Variants in LMF1 observed in about 807,000 individuals in gnomAD.
LMF1 encodes the protein lipase maturation factor 1.
A neutral mutation model predicts 60.6 loss-of-function variants in LMF1; 68 were observed. That is an observed-to-expected ratio of 1.12 (90% CI 0.92 to 1.37). The LOEUF (loss-of-function observed/expected upper bound fraction) is 1.37. LMF1 is among the 40% of genes most tolerant of loss of function. LMF1 has a pLI of 0.00. For synonymous variants in LMF1, 418 were observed against 324.7 expected (o/e 1.29, Z -3.09); for missense variants, 948 against 767.2 (o/e 1.24, Z -2.78).
At chr16:972,654 G>A (rs1240649276), upstream of LMF1, among the ~76,000 whole-genome samples, 1 of 152,224 alleles carries the variant, frequency 6.6e-6, no homozygotes, top group Non-Finnish European at 1.5e-5. Context: ...GCCCTGCGCT[G>A]TCCTCAGGTG....
At chr16:967,681 G>A (rs2072953666) in intron 1 of LMF1, among the ~76,000 whole-genome samples, 2 of 152,226 alleles carry the variant, frequency 1.3e-5, no homozygotes, top group African/African-American at 4.8e-5. Flanking sequence ...GGGCAGCCTC[G>A]GTCCTCCCAG....
intron 4 of LMF1, chr16:901,486 G>A (rs2070810409): frequency 6.6e-6 from 1 of 152,280 alleles, no homozygotes. Flanking sequence ...AAAGAAAGGG[G>A]AAATTATTTT....
intron 5 of LMF1, among the ~76,000 whole-genome samples, chr16:890,512 GCTCT>G (rs1315593137): frequency 2.6e-5 from 4 of 152,162 alleles, no homozygotes; most frequent in Non-Finnish European, 5.9e-5. Context: ...CAGGCTCATG[GCTCT>G]CTGTGAGCCA....
upstream of LMF1, chr16:981,401 G>A (rs2073372744): frequency 1.0e-5 from 3 of 290,914 alleles, no homozygotes; most frequent in Middle Eastern, 1.2e-3. Context: ...TCGGGGGAGG[G>A]GCCCGAGGAC....
intron 2 of LMF1, among the ~76,000 whole-genome samples, chr16:940,150 G>A (rs556897749): frequency 6.6e-6 from 1 of 152,294 alleles, no homozygotes; most frequent in East Asian, 1.9e-4. Context: ...CCTTCCCGCA[G>A]AGACTCGGAG....
At chr16:929,554 G>A (rs575596509) in intron 3 of LMF1, among the ~76,000 whole-genome samples, 41 of 152,350 alleles carry the variant, frequency 2.7e-4, no homozygotes, top group African/African-American at 9.4e-4. Context: ...GCGCAAGGGC[G>A]GCTGGAAGCT....
intron 2 of LMF1, among the ~76,000 whole-genome samples, chr16:946,802 C>A (rs933672772): frequency 6.6e-6 from 1 of 152,228 alleles, no homozygotes; most frequent in South Asian, 2.1e-4. Flanking sequence ...CCTGACCAAG[C>A]TGAAGTCAGG....
intron 4 of LMF1, among the ~76,000 whole-genome samples, chr16:907,650 C>G (rs7201545): frequency 3.3e-5 from 5 of 152,038 alleles, no homozygotes; most frequent in Non-Finnish European, 7.4e-5. Flanking sequence ...GCTGACGGTG[C>G]GGCGCTGGTT....
chr16:970,677 G>T lies in LMF1; in HGVS notation c.193+111C>A. On this transcript the variant is annotated intron_variant, in intron 1 of 10. Transcript: ENST00000262301. Reference sequence around the variant, plus strand: ...CCGGGCCCCAGCAGGAAGGAGGGCTGCGTGGGGGCGCCGCGGCCGCGAGAC... The same window carrying T: ...CCGGGCCCCAGCAGGAAGGAGGGCTTCGTGGGGGCGCCGCGGCCGCGAGAC... 4.0e-6 allele frequency: 4 copies of T among 1,005,450 alleles called. No homozygotes were observed. The South Asian group carries it at 5.2e-5, about 13-fold the overall frequency. 62.3% of individuals were successfully genotyped at this position (1,005,450 alleles called of 1,614,324 possible).
chr16:871,409 T>C (rs1194666198), intron 6 of LMF1, 68 bp from the exon 7 acceptor site: 6 of 1,389,942 alleles, frequency 4.3e-6, no homozygotes, highest in Admixed American at 1.9e-5. Flanking sequence ...CTGGCGCCTC[T>C]CTTCCTGGAG....
intron 1 of LMF1, chr16:980,140 T>G: frequency 8.3e-6 from 2 of 239,976 alleles, no homozygotes; most frequent in Non-Finnish European, 1.7e-5. Context: ...GCTGCAGAGA[T>G]GAGACCGCCC....
chr16:861,615 C>G (rs774621346), intron 10 of LMF1, among the ~76,000 whole-genome samples: 1 of 152,152 alleles, frequency 6.6e-6, no homozygotes, highest in Non-Finnish European at 1.5e-5. Flanking sequence ...CTTGGCCTCC[C>G]ACAGTGCTGG....
chr16:958,964 G>C (rs1325415126), intron 1 of LMF1, among the ~76,000 whole-genome samples: 1 of 152,162 alleles, frequency 6.6e-6, no homozygotes, highest in Non-Finnish European at 1.5e-5. Context: ...CGGGACAGCA[G>C]GAGTGCCCTC....
At chr16:910,532 C>T (rs2151754171) in intron 4 of LMF1, among the ~76,000 whole-genome samples, 1 of 152,286 alleles carries the variant, frequency 6.6e-6, no homozygotes, top group East Asian at 1.9e-4. Flanking sequence ...GCCAACGCGC[C>T]CACCATGGCC....
intron 10 of LMF1, among the ~76,000 whole-genome samples, chr16:860,836 T>G (rs977844044): frequency 6.6e-6 from 1 of 152,222 alleles, no homozygotes. Flanking sequence ...TGGAATTGCA[T>G]GTCTGTCCCT....
chr16:906,406 G>A (rs368847341), intron 4 of LMF1, among the ~76,000 whole-genome samples: 24 of 152,066 alleles, frequency 1.6e-4, no homozygotes, highest in East Asian at 9.6e-4. Flanking sequence ...CTCATCAGCC[G>A]CCAGAGAATA....
At position 897,899 on chromosome 16, in the gene LMF1, G is replaced by A. The variant is rs1467050944; in HGVS notation, c.664-4827C>T. On this transcript the variant is annotated intron_variant, in intron 4 of 10. Transcript: ENST00000262301. This position sits in a 1 kb window ranked among gnomAD's most constrained non-coding sequence, Gnocchi z 4.3. ...AGAACTGGCATGGGAGGTGGGCTCCGCCCCCGAGTGCTTCAGCTCACGCAG... is the reference window on the plus strand; with the variant it reads ...AGAACTGGCATGGGAGGTGGGCTCCACCCCCGAGTGCTTCAGCTCACGCAG... Among the ~76,000 whole-genome samples, 1 of 152,202 alleles carries A rather than the reference G, an allele frequency of 6.6e-6. No homozygotes were observed. Among genetic ancestry groups the A allele is most frequent in the African/African-American group, 2.4e-5 (1 of 41,442 alleles).
intron 2 of LMF1, among the ~76,000 whole-genome samples, chr16:949,495 G>A (rs76326268): frequency 0.041 from 4,178 of 102,388 alleles, 1 homozygote; most frequent in African/African-American, 0.083. Context: ...CAGAGACAAC[G>A]ACAGAGTTAG....
intron 5 of LMF1, among the ~76,000 whole-genome samples, chr16:888,410 C>A (rs1172802738): frequency 6.6e-6 from 1 of 152,202 alleles, no homozygotes; most frequent in Non-Finnish European, 1.5e-5. Context: ...TCCCTGTACT[C>A]CAGATCCAGT....
Sources: gnomAD v4.1 joint callset for allele counts (sites outside exome capture counted in the v4.1 genomes callset) on GRCh38, gnomAD v4.1.1 for gene constraint, Gnocchi (gnomAD v3.1) non-coding constraint, MANE v1.5 for transcripts, NCBI Gene and HGNC (gene_info 2026-07-23, HGNC 2026-07-21) for gene names.